The following TENM1 variants were observed in gnomAD, a reference collection of about 807,000 sequenced individuals.
The protein encoded by TENM1 is teneurin-1.
A neutral mutation model predicts 174.8 loss-of-function variants in TENM1; 35 were observed. That is an observed-to-expected ratio of 0.20 (90% CI 0.15 to 0.27). The LOEUF (loss-of-function observed/expected upper bound fraction) is 0.27, where lower values mean the gene tolerates loss of function less well. TENM1 is among the 10% of genes least tolerant of loss of function. The pLI is 1.00. For missense variants in TENM1, 1,633 were observed against 2,130.1 expected, an observed-to-expected ratio of 0.77 and a Z score of 4.59; for synonymous variants, 781 against 798.7, an observed-to-expected ratio of 0.98 and a Z score of 0.37.
intron 1 of TENM1, among the ~76,000 whole-genome samples, chrX:124,899,751 A>C (rs2057625951): frequency 8.9e-6 from 1 of 112,151 alleles, no homozygotes; most frequent in Non-Finnish European, 1.9e-5. Flanking sequence ...AAAAAGTTTA[A>C]AGAGACACTT....
chrX:124,952,905 G>A (rs2058512348), intron 1 of TENM1, among the ~76,000 whole-genome samples: 1 of 111,761 alleles, frequency 8.9e-6, no homozygotes, highest in Non-Finnish European at 1.9e-5. Flanking sequence ...GTTTATACTG[G>A]TGGGACAGAA....
At chrX:124,951,303 C>A (rs2147781735) in intron 1 of TENM1, among the ~76,000 whole-genome samples, 1 of 111,085 alleles carries the variant, frequency 9.0e-6, no homozygotes, top group Non-Finnish European at 1.9e-5. Flanking sequence ...CTCTTCATTT[C>A]TACATTGAGG....
the TENM1 span, among the ~76,000 whole-genome samples, chrX:125,177,757 C>T: frequency 2.1e-4 from 24 of 111,690 alleles, no homozygotes; most frequent in African/African-American, 7.8e-4. Flanking sequence ...TTCCAAGAAA[C>T]TACAAGAGCC....
chrX:124,752,486 C>T (rs943901721), intron 3 of TENM1, among the ~76,000 whole-genome samples: 1 of 111,471 alleles, frequency 9.0e-6, no homozygotes, highest in Non-Finnish European at 1.9e-5. Flanking sequence ...TGCAGAAGCT[C>T]TTTAGTTTAA....
Position 124,955,683 on chromosome X carries a change from T to C in TENM1, c.217+7854A>G, listed in dbSNP as rs187108965. Among the ~76,000 whole-genome samples, 533 of 110,681 alleles carry C rather than the reference T, an allele frequency of 4.8e-3. 3 individuals are homozygous for C. Among genetic ancestry groups the C allele is most frequent in the African/African-American group, 0.017 (514 of 30,379 alleles). The stretch of plus-strand genomic sequence containing the variant: ...TTTCTATTTCTAAGAAAAATTACAT[T>C]GGGATTTTGATAGGGATTACATTGA... On this transcript the variant is annotated intron_variant, in intron 1 of 31. Transcript: ENST00000422452.
chrX:124,822,137 T>C (rs139705417), intron 3 of TENM1, among the ~76,000 whole-genome samples: 92 of 112,288 alleles, frequency 8.2e-4, no homozygotes, highest in African/African-American at 2.8e-3. Flanking sequence ...CCTTAACACA[T>C]CACAAGTATA....
chrX:124,896,127 G>A (rs771509304), exon 2 of TENM1: 1 of 1,211,307 alleles, frequency 8.3e-7, no homozygotes, highest in Middle Eastern at 2.3e-4. Context: ...AGCACCTTCT[G>A]TCTCTGTGTC....
chrX:125,089,878 G>T, the TENM1 span, among the ~76,000 whole-genome samples: 2 of 111,444 alleles, frequency 1.8e-5, no homozygotes, highest in East Asian at 5.7e-4. Context: ...TGCTTAAGAG[G>T]ATAAAAGGAG....
chrX:124,504,785 C>T (rs1160690479), intron 18 of TENM1, among the ~76,000 whole-genome samples: 1 of 111,787 alleles, frequency 8.9e-6, no homozygotes, highest in Non-Finnish European at 1.9e-5. Flanking sequence ...CGTGCTTAAA[C>T]AATGCCAGAA....
chrX:124,680,198 G>A (rs1264339560), intron 5 of TENM1, among the ~76,000 whole-genome samples: 1 of 111,076 alleles, frequency 9.0e-6, no homozygotes, highest in African/African-American at 3.3e-5. Flanking sequence ...CTTTTTTGTT[G>A]CTCCACGTGT....
the TENM1 span, among the ~76,000 whole-genome samples, chrX:125,144,049 G>C: frequency 9.0e-6 from 1 of 111,446 alleles, no homozygotes; most frequent in African/African-American, 3.3e-5. Flanking sequence ...CAAAATGTCT[G>C]AGTATCATTC....
At chrX:124,774,509 A>T (rs2054737244) in intron 3 of TENM1, among the ~76,000 whole-genome samples, 1 of 111,962 alleles carries the variant, frequency 8.9e-6, no homozygotes, top group Admixed American at 9.5e-5. Flanking sequence ...CTGATTTAAA[A>T]ATCTGAGAAT....
intron 3 of TENM1, among the ~76,000 whole-genome samples, chrX:124,858,249 A>AT (rs1262052440): frequency 8.9e-6 from 1 of 112,151 alleles, no homozygotes; most frequent in Non-Finnish European, 1.9e-5. Context: ...TTTAGAAAGC[A>AT]TTTTTTTCGA....
the TENM1 span, among the ~76,000 whole-genome samples, chrX:125,145,854 A>G: frequency 8.9e-6 from 1 of 112,134 alleles, no homozygotes; most frequent in Non-Finnish European, 1.9e-5. Flanking sequence ...CATAGAAGCC[A>G]TAATGATTCA....
At chrX:125,117,752 G>A in the TENM1 span, among the ~76,000 whole-genome samples, 1 of 111,354 alleles carries the variant, frequency 9.0e-6, no homozygotes, top group African/African-American at 3.3e-5. Context: ...TCAGAGAAAA[G>A]GGAATGCTTA....
At chrX:125,172,440 A>T in the TENM1 span, among the ~76,000 whole-genome samples, 1 of 111,374 alleles carries the variant, frequency 9.0e-6, no homozygotes, top group South Asian at 3.8e-4. Context: ...TGTCTCCCAC[A>T]GCCTTGCTTA....
chrX:124,872,743 T>C (rs1159264428), intron 3 of TENM1, among the ~76,000 whole-genome samples: 1 of 111,931 alleles, frequency 8.9e-6, no homozygotes, highest in Non-Finnish European at 1.9e-5. Flanking sequence ...GCAAACAATT[T>C]TGAAACATAA....
chrX:124,984,778 G>A, the TENM1 span, among the ~76,000 whole-genome samples: 404 of 112,058 alleles, frequency 3.6e-3, no homozygotes, highest in African/African-American at 0.012. Context: ...TGGAACATGT[G>A]ATTAACACTA....
chrX:125,016,510 C>T, the TENM1 span, among the ~76,000 whole-genome samples: 522 of 110,647 alleles, frequency 4.7e-3, no homozygotes, highest in Non-Finnish European at 6.0e-3. Flanking sequence ...TTACAAGGGA[C>T]GTGAAGGACC....
Sources: gnomAD v4.1 joint callset for allele counts (sites outside exome capture counted in the v4.1 genomes callset) on GRCh38, gnomAD v4.1.1 for gene constraint, MANE v1.5 for transcripts, NCBI Gene and HGNC (gene_info 2026-07-23, HGNC 2026-07-21) for gene names.